The following CATSPERB variants were observed in gnomAD, a reference collection of about 807,000 sequenced individuals.
The protein encoded by CATSPERB is catsper channel auxiliary subunit beta.
Under a neutral mutation model 128.3 loss-of-function variants are expected in CATSPERB, and 93 were observed. That is an observed-to-expected ratio of 0.72 (90% CI 0.61 to 0.86). The LOEUF is 0.86. Among genes scored for constraint, CATSPERB ranks in the 40% least tolerant of loss-of-function variants. The probability of loss-of-function intolerance (pLI) is 0.00; values close to 1 mark genes in which losing one functional copy is unlikely to be tolerated. For missense variants in CATSPERB, 1,153 were observed against 1,329.5 expected, an observed-to-expected ratio of 0.87 and a Z score of 2.06; for synonymous variants, 381 against 448.8, an observed-to-expected ratio of 0.85 and a Z score of 1.91.
At chr14:91,700,891 A>C (rs1895636941) in intron 7 of CATSPERB, among the ~76,000 whole-genome samples, 1 of 152,192 alleles carries the variant, frequency 6.6e-6, no homozygotes, top group African/African-American at 2.4e-5. Flanking sequence ...TGGTGGGCTC[A>C]TTCATATTCC....
At chr14:91,712,963 C>G (rs1047499828) in intron 5 of CATSPERB, among the ~76,000 whole-genome samples, 12 of 152,192 alleles carry the variant, frequency 7.9e-5, no homozygotes, top group African/African-American at 2.7e-4. Flanking sequence ...GACTTTTCTT[C>G]CTCATCAATA....
intron 2 of CATSPERB, among the ~76,000 whole-genome samples, chr14:91,725,986 T>C (rs1896113686): frequency 6.6e-6 from 1 of 151,938 alleles, no homozygotes; most frequent in Non-Finnish European, 1.5e-5. Flanking sequence ...AGAAGGAGCA[T>C]CTAAATGCCA....
intron 4 of CATSPERB, 63 bp downstream of exon 4, chr14:91,722,986 C>A: frequency 1.1e-5 from 14 of 1,251,796 alleles, no homozygotes; most frequent in Non-Finnish European, 1.5e-5. Context: ...AAAAATACAT[C>A]CTATAAGGAA....
chr14:91,589,407 C>A, intron 24 of CATSPERB, 127 bp downstream of exon 24: 4 of 835,986 alleles, frequency 4.8e-6, no homozygotes, highest in Non-Finnish European at 7.1e-6. Flanking sequence ...GCCAACTGAT[C>A]CAAATCCATT....
At chr14:91,694,438 CAAAAAAAAAA>C (rs547649333) in intron 7 of CATSPERB, among the ~76,000 whole-genome samples, 3 of 65,766 alleles carry the variant, frequency 4.6e-5, no homozygotes, top group African/African-American at 5.8e-5. Context: ...GACCCTATCT[CAAAAAAAAAA>C]AAAAAAAAAA....
At chr14:91,697,389 T>G (rs1405433825) in intron 7 of CATSPERB, among the ~76,000 whole-genome samples, 1 of 152,048 alleles carries the variant, frequency 6.6e-6, no homozygotes, top group African/African-American at 2.4e-5. Context: ...CTCAATGAGA[T>G]CAAAGAAATG....
Position 91,668,203 on chromosome 14 carries a change from G to A in CATSPERB, c.1287+1611C>T, listed in dbSNP as rs181827491. Among the ~76,000 whole-genome samples the A allele has an allele frequency of 3.9e-5, 6 of 151,914 alleles. No individual in the cohort carries two copies. The East Asian group carries it at 1.2e-3, about 29-fold the overall frequency. ...AGAGGTGAAGCCAGCTGGACTTCCT[G>A]GGTCGAGTAGGGACTTGGAGAACTT... On this transcript the variant is annotated intron_variant, in intron 14 of 26. Coordinates refer to ENST00000256343, the MANE Select transcript of CATSPERB (RefSeq NM_024764.4).
At chr14:91,668,753 G>T (rs1895033558) in intron 14 of CATSPERB, among the ~76,000 whole-genome samples, 1 of 152,126 alleles carries the variant, frequency 6.6e-6, no homozygotes, top group South Asian at 2.1e-4. Context: ...ACCTTTAAGA[G>T]CTGTAACACT....
chr14:91,708,275 C>T, intron 5 of CATSPERB, 39 bp from the exon 6 acceptor site: 3 of 1,319,146 alleles, frequency 2.3e-6, no homozygotes, highest in Non-Finnish European at 3.3e-6. Flanking sequence ...ACTATTTTTT[C>T]ATATGTTGTG....
At chr14:91,602,897 C>T (rs1893631106) in intron 22 of CATSPERB, among the ~76,000 whole-genome samples, 1 of 152,124 alleles carries the variant, frequency 6.6e-6, no homozygotes, top group African/African-American at 2.4e-5. Context: ...GCATCATTGT[C>T]ATCATCATCA....
At chr14:91,698,702 T>C (rs112890962) in intron 7 of CATSPERB, among the ~76,000 whole-genome samples, 2,616 of 152,332 alleles carry the variant, frequency 0.017, 38 homozygotes, top group Middle Eastern at 0.058. Flanking sequence ...CATTTTTATG[T>C]TATTCAAAAA....
intron 10 of CATSPERB, among the ~76,000 whole-genome samples, chr14:91,690,538 C>A (rs1895448609): frequency 6.6e-6 from 1 of 152,186 alleles, no homozygotes; most frequent in African/African-American, 2.4e-5. Context: ...TCTTTTCACT[C>A]TCATTCTTGA....
intron 17 of CATSPERB, among the ~76,000 whole-genome samples, chr14:91,633,355 A>C (rs574164537): frequency 6.6e-6 from 1 of 152,198 alleles, no homozygotes; most frequent in African/African-American, 2.4e-5. Flanking sequence ...AGTAAGTTTC[A>C]AACAATTTCA....
chr14:91,660,113 C>T, intron 14 of CATSPERB, 132 bp from the exon 15 acceptor site: 1 of 366,520 alleles, frequency 2.7e-6, no homozygotes, highest in South Asian at 2.9e-5. Context: ...CTCTCTCTCT[C>T]TCTCACACAC....
At chr14:91,636,374 A>C (rs1894374630) in intron 17 of CATSPERB, 51 bp downstream of exon 17, 1 of 1,573,816 alleles carries the variant, frequency 6.4e-7, no homozygotes, top group Non-Finnish European at 8.7e-7. Flanking sequence ...AAAAATTTAA[A>C]AAGTAGATTC....
At chr14:91,621,281 T>A (rs768087909) in intron 19 of CATSPERB, among the ~76,000 whole-genome samples, 1 of 152,126 alleles carries the variant, frequency 6.6e-6, no homozygotes, top group Non-Finnish European at 1.5e-5. Context: ...ACACTTGTAA[T>A]CCCAGCTACT....
intron 22 of CATSPERB, chr14:91,605,108 G>T: frequency 3.2e-6 from 4 of 1,255,216 alleles, no homozygotes; most frequent in Non-Finnish European, 4.7e-6. Context: ...GCCTTTGGGA[G>T]GGGTGGAAGA....
chr14:91,704,477 TCTG>T, intron 7 of CATSPERB, 72 bp downstream of exon 7: 2 of 1,463,264 alleles, frequency 1.4e-6, no homozygotes, highest in African/African-American at 1.4e-5. Flanking sequence ...TGCATTTATT[TCTG>T]CTGCCAGTTA....
intron 15 of CATSPERB, among the ~76,000 whole-genome samples, chr14:91,650,156 T>C (rs536970607): frequency 6.6e-6 from 1 of 152,350 alleles, no homozygotes; most frequent in South Asian, 2.1e-4. Flanking sequence ...ATGTACTTTG[T>C]CTCAGTTATT....
Sources: gnomAD v4.1 joint callset for allele counts (sites outside exome capture counted in the v4.1 genomes callset) on GRCh38, gnomAD v4.1.1 for gene constraint, MANE v1.5 for transcripts, NCBI Gene and HGNC (gene_info 2026-07-23, HGNC 2026-07-21) for gene names.